Variants in ADSS1 observed in about 807,000 individuals in gnomAD.
ADSS1 encodes adenylosuccinate synthetase isozyme 1.
ADSS1 carries 57 observed loss-of-function variants against 59.1 expected under a neutral mutation model. That is an observed-to-expected ratio of 0.97 (90% CI 0.78 to 1.20). ADSS1 has a LOEUF of 1.20. ADSS1 is among the 50% of genes most tolerant of loss of function. ADSS1 has a pLI of 0.00. For missense variants in ADSS1, 603 were observed against 610.3 expected, an observed-to-expected ratio of 0.99 and a Z score of 0.13; for synonymous variants, 247 against 249.4, an observed-to-expected ratio of 0.99 and a Z score of 0.09.
intron 8 of ADSS1, among the ~76,000 whole-genome samples, chr14:104,741,587 C>T (rs565043122): frequency 9.8e-5 from 15 of 152,302 alleles, no homozygotes; most frequent in African/African-American, 3.6e-4. Context: ...ACCCTCACCC[C>T]CGAGGCGGCC....
At chr14:104,746,498 G>T in intron 12 of ADSS1, 113 bp downstream of exon 12, 1 of 1,380,792 alleles carries the variant, frequency 7.2e-7, no homozygotes. Flanking sequence ...GTCACCAAGC[G>T]AATATATTGC....
rs746999644 is a variant in ADSS1, at chr14:104,724,378, G to C, written c.108G>C (p.Val36=). The change falls in exon 1 of 13, where the codon GTG becomes GTC. Residue 36 remains valine, a synonymous_variant. Coordinates refer to ENST00000330877, the MANE Select transcript of ADSS1 (RefSeq NM_152328.5). ...CGACCGGCTCCCGCGTGACGGTGGT[G>C]CTGGGCGCGCAGTGGGGGGACGAGG... ...AAATGSRVTV[V]LGAQWGDEGK... is the part of the protein sequence containing the mutation. The C allele has an allele frequency of 4.0e-6, 5 of 1,255,170 alleles. No homozygotes were observed. The highest frequency in any genetic ancestry group is 3.0e-4 in the Middle Eastern group (1 of 3,316). The allele number at this position is 1,255,170 out of a possible 1,614,324, so 77.8% of individuals were successfully genotyped here.
Position 104,739,359 on chromosome 14 carries a change from C to T in ADSS1, c.390C>T (p.Ile130=), listed in dbSNP as rs1384114703. 2 of 1,608,300 alleles carry T rather than the reference C, an allele frequency of 1.2e-6. No individual in the cohort carries two copies. Among genetic ancestry groups the T allele is most frequent in the Non-Finnish European group, 1.7e-6 (2 of 1,177,642 alleles). ...GLKDWEKRLI[I]SDRAHLVFDF... is the part of the protein sequence containing the mutation. The stretch of plus-strand genomic sequence containing the variant: ...AGGACTGGGAGAAGAGGCTCATCAT[C>T]TCTGACAGAGCCCACCTTGGTACGT... The change falls in exon 4 of 13, where the codon ATC becomes ATT. Residue 130 remains isoleucine (I), a synonymous_variant. Transcript: ENST00000330877.
intron 1 of ADSS1, among the ~76,000 whole-genome samples, chr14:104,728,930 C>T (rs1595194152): frequency 6.6e-6 from 1 of 152,172 alleles, no homozygotes; most frequent in South Asian, 2.1e-4. Flanking sequence ...ATGGGCCTGG[C>T]ACAGCTAGGG....
intron 10 of ADSS1, among the ~76,000 whole-genome samples, chr14:104,744,093 G>A (rs1040277433): frequency 4.6e-5 from 7 of 152,170 alleles, no homozygotes; most frequent in Admixed American, 1.3e-4. Flanking sequence ...TGGGTGGGCA[G>A]GGACCAGGAA....
At chr14:104,746,520 G>A (rs1891565067) in intron 12 of ADSS1, 135 bp downstream of exon 12, 3 of 1,289,332 alleles carry the variant, frequency 2.3e-6, no homozygotes, top group South Asian at 1.5e-5. Flanking sequence ...TGGCAGGAGG[G>A]GAGGACGACT....
chr14:104,724,323 A>C lies in ADSS1; in HGVS notation c.53A>C (p.Lys18Thr), dbSNP rs1595190464. 8.1e-7 allele frequency: 1 copy of C among 1,238,424 alleles called. No homozygotes were observed. Among genetic ancestry groups the C allele is most frequent in the South Asian group, 4.1e-5 (1 of 24,558 alleles). The allele number at this position is 1,238,424 out of a possible 1,614,324, so 76.7% of individuals were successfully genotyped here. ...CGGCCCCCCGGCGCAGGCGGCGTCAAGCGGGGGCGGCTGCAGCAGGAGGCG... is the reference window on the plus strand; with the variant it reads ...CGGCCCCCCGGCGCAGGCGGCGTCACGCGGGGGCGGCTGCAGCAGGAGGCG... ...NDRPPGAGGV[K>T]RGRLQQEAAA... The change falls in exon 1 of 13, where the codon AAG becomes ACG. Residue 18 changes from lysine (K) to threonine (T), a missense_variant. Coordinates refer to ENST00000330877, the MANE Select transcript of ADSS1 (RefSeq NM_152328.5).
chr14:104,746,366 G>T lies in ADSS1; in HGVS notation c.1302G>T (p.Glu434Asp). Reference sequence around the variant, plus strand: ...CCCAGAACTACATCCGCTTTGTGGAGAATCACGTGGGAGTCGCAGGTGGGT... The same window carrying T: ...CCCAGAACTACATCCGCTTTGTGGATAATCACGTGGGAGTCGCAGGTGGGT... ...PQAQNYIRFV[E>D]NHVGVAVKWV... Residue 434 changes from glutamate to aspartate, a missense_variant, in exon 12 of 13, where the codon GAG becomes GAT. Coordinates refer to ENST00000330877, the MANE Select transcript of ADSS1 (RefSeq NM_152328.5). The T allele has an allele frequency of 6.2e-7, 1 of 1,612,564 alleles. No individual in the cohort carries two copies. The highest frequency in any genetic ancestry group is 8.5e-7 in the Non-Finnish European group (1 of 1,179,116).
At chr14:104,725,175 G>A (rs1174528615) in intron 1 of ADSS1, among the ~76,000 whole-genome samples, 2 of 152,174 alleles carry the variant, frequency 1.3e-5, no homozygotes, top group African/African-American at 4.8e-5. Context: ...AGGGCCCAGG[G>A]CTGGGCCTCT....
At position 104,743,165 on chromosome 14, in the gene ADSS1, T is replaced by G; in HGVS notation, c.1047T>G (p.Tyr349Ter). 6.2e-7 allele frequency: 1 copy of G among 1,612,118 alleles called. No homozygotes were observed. The highest frequency in any genetic ancestry group is 8.5e-7 in the Non-Finnish European group (1 of 1,179,990). The change falls in exon 10 of 13, where the codon TAT (tyrosine) becomes TAG (stop). Residue 349 changes from tyrosine to a stop codon, truncating the protein, a stop_gained. Transcript: ENST00000330877. LOFTEE classifies it high-confidence loss of function. ...GGCTCGACCTGATGATTCTAAGATA[T>G]GCTCACATGGTCAACGGATTCACTG... ...CGWLDLMILR[Y>*]AHMVNGFTAL...
At chr14:104,734,728 C>T (rs1891053847) in intron 1 of ADSS1, among the ~76,000 whole-genome samples, 1 of 152,198 alleles carries the variant, frequency 6.6e-6, no homozygotes, top group African/African-American at 2.4e-5. Flanking sequence ...AGCTCCAGAG[C>T]GGGGCCCGCA....
rs1432210774 is a variant in ADSS1 at position 104,740,504 on chromosome 14, C to A, written c.477-97C>A. The stretch of plus-strand genomic sequence containing the variant: ...CAGACACAGGCAGCAATGGTGGGCA[C>A]TGGAGTCATGAGCCGGCGGGGGTCA... On this transcript the variant is annotated intron_variant, in intron 5 of 12. Coordinates refer to ENST00000330877, the MANE Select transcript of ADSS1 (RefSeq NM_152328.5). This position sits in a 1 kb window ranked among gnomAD's most constrained non-coding sequence, Gnocchi z 4.8. 7.5e-6 allele frequency: 8 copies of A among 1,070,098 alleles called. No individual in the cohort carries two copies. The highest frequency in any genetic ancestry group is 2.1e-4 in the Middle Eastern group (1 of 4,866). 66.3% of individuals were successfully genotyped at this position (1,070,098 alleles called of 1,614,324 possible). A position where few individuals can be genotyped will look rare whatever the true frequency, so the allele number is the denominator to read the frequency against.
chr14:104,739,884 C>T (rs1566799954), intron 5 of ADSS1, 68 bp downstream of exon 5: 2 of 1,545,542 alleles, frequency 1.3e-6, no homozygotes, highest in Admixed American at 1.7e-5. Flanking sequence ...GACTGTGGGG[C>T]GTGTCTGGTC....
At chr14:104,728,288 C>G (rs1890779305) in intron 1 of ADSS1, among the ~76,000 whole-genome samples, 2 of 152,088 alleles carry the variant, frequency 1.3e-5, no homozygotes, top group Admixed American at 1.3e-4. Flanking sequence ...GGTCTTCCCC[C>G]TACCCCACCT....
intron 3 of ADSS1, 50 bp downstream of exon 3, chr14:104,738,488 A>G (rs539241656): frequency 1.3e-6 from 2 of 1,599,906 alleles, no homozygotes; most frequent in African/African-American, 1.3e-5. Flanking sequence ...CGGTGCCCTG[A>G]GCGGTTGTTG....
Position 104,739,323 on chromosome 14 carries a change from C to A in ADSS1, c.359-5C>A. On this transcript the variant is annotated splice_polypyrimidine_tract_variant and splice_region_variant and intron_variant, in intron 3 of 12. Transcript: ENST00000330877. ...CTGACCCACCTGTGTGCCGTGTCCCCGCAGGCCTGAAGGACTGGGAGAAGA... is the reference window on the plus strand; with the variant it reads ...CTGACCCACCTGTGTGCCGTGTCCCAGCAGGCCTGAAGGACTGGGAGAAGA... 6.2e-7 allele frequency: 1 copy of A among 1,607,518 alleles called. No individual in the cohort carries two copies. Among genetic ancestry groups the A allele is most frequent in the East Asian group, 2.2e-5 (1 of 44,644 alleles).
At chr14:104,738,193 T>C (rs1351873499) in intron 2 of ADSS1, 183 bp from the exon 3 acceptor site, 2 of 481,632 alleles carry the variant, frequency 4.2e-6, no homozygotes, top group Non-Finnish European at 7.5e-6. Context: ...AGATGGGGTT[T>C]CACCATGTGG....
At position 104,747,255 on chromosome 14, in the gene ADSS1, A is replaced by T. The variant is rs557483620; in HGVS notation, c.*252A>T. 3 of 367,152 alleles carry T rather than the reference A, an allele frequency of 8.2e-6. No homozygotes were observed. Among genetic ancestry groups the T allele is most frequent in the Non-Finnish European group, 9.9e-6 (2 of 202,202 alleles). 22.7% of individuals were successfully genotyped at this position (367,152 alleles called of 1,614,324 possible). A position where few individuals can be genotyped will look rare whatever the true frequency, so the allele number is the denominator to read the frequency against. ...AGACCTTCTATGACACATTAGTGTC[A>T]CATGGTTGCGTGTCCAGCCGAAGCA... On this transcript the variant is annotated 3_prime_UTR_variant, in exon 13 of 13. Coordinates refer to ENST00000330877, the MANE Select transcript of ADSS1 (RefSeq NM_152328.5).
rs1891270368 is a variant in ADSS1, at chr14:104,739,792, A to T, written c.452A>T (p.Gln151Leu). The T allele has an allele frequency of 2.5e-6, 4 of 1,613,896 alleles. No homozygotes were observed. The highest frequency in any genetic ancestry group is 3.4e-6 in the Non-Finnish European group (4 of 1,179,986). Residue 151 changes from glutamine (Q) to leucine (L), a missense_variant, in exon 5 of 13, where the codon CAG (glutamine) becomes CTG (leucine). Physicochemically the swap from Gln to Leu is moderately radical, Grantham distance 113. Transcript: ENST00000330877. ...HQAVDGLQEV[Q>L]RQAQEGKNIG... ...GCTGTCGACGGACTTCAGGAAGTGC[A>T]GCGCCAGGCACAAGAGGGGAAGAAG...
Sources: gnomAD v4.1 joint callset for allele counts (sites outside exome capture counted in the v4.1 genomes callset) on GRCh38, gnomAD v4.1.1 for gene constraint, Gnocchi (gnomAD v3.1) non-coding constraint, MANE v1.5 for transcripts, NCBI Gene and HGNC (gene_info 2026-07-23, HGNC 2026-07-21) for gene names.